Variants in UNC13C observed in about 807,000 individuals in gnomAD.
UNC13C encodes the protein unc-13 homolog C, also known as protein unc-13 homolog C.
In UNC13C, 174 loss-of-function variants were observed where a neutral mutation model predicts 245.4. The ratio of observed to expected loss-of-function variants is 0.71; its 90% CI spans 0.63 to 0.80. UNC13C has a LOEUF of 0.80. Among genes scored for constraint, UNC13C ranks in the 30% least tolerant of loss-of-function variants. The probability of loss-of-function intolerance (pLI) is 0.00; values close to 1 mark genes in which losing one functional copy is unlikely to be tolerated. For synonymous variants in UNC13C, 992 were observed against 895.1 expected, an observed-to-expected ratio of 1.11 and a Z score of -1.93; for missense variants, 2,829 against 2,602.9, an observed-to-expected ratio of 1.09 and a Z score of -1.89.
chr15:54,308,547 T>C (rs878992764), intron 13 of UNC13C, among the ~76,000 whole-genome samples: 2 of 151,824 alleles, frequency 1.3e-5, no homozygotes, highest in Admixed American at 6.6e-5. Flanking sequence ...AAGAATACAA[T>C]GCATTGTTAT....
intron 17 of UNC13C, among the ~76,000 whole-genome samples, chr15:54,366,342 G>T (rs1427619044): frequency 6.6e-6 from 1 of 152,062 alleles, no homozygotes; most frequent in African/African-American, 2.4e-5. Flanking sequence ...TTTCCTTATG[G>T]TTTTACAGAT....
At chr15:54,474,211 C>T (rs922845047) in intron 19 of UNC13C, among the ~76,000 whole-genome samples, 2 of 151,788 alleles carry the variant, frequency 1.3e-5, no homozygotes, top group Non-Finnish European at 2.9e-5. Context: ...ATTGCCAGAA[C>T]ATATGGTAGT....
rs1378809690 is a variant in UNC13C, at chr15:54,052,863, T to A, written c.2983+36977T>A. Among the ~76,000 whole-genome samples the A allele has an allele frequency of 2.0e-5, 3 of 152,252 alleles. No individual in the cohort carries two copies. In the East Asian group the frequency reaches 5.8e-4, roughly 29 times the overall value. The stretch of plus-strand genomic sequence containing the variant: ...AAGTATCCAGTGACAGAAATAGTAC[T>A]CAGTGATGTGGTTACTATCCAGCTA... On this transcript the variant is annotated intron_variant, in intron 2 of 32. Coordinates refer to ENST00000260323, the MANE Select transcript of UNC13C (RefSeq NM_001080534.3).
chr15:54,073,415 T>A (rs1435551353), intron 2 of UNC13C, among the ~76,000 whole-genome samples: 5 of 152,190 alleles, frequency 3.3e-5, no homozygotes, highest in African/African-American at 1.2e-4. Flanking sequence ...GATTGCTGGG[T>A]CCAATGGTAT....
intron 11 of UNC13C, among the ~76,000 whole-genome samples, chr15:54,296,144 C>CA (rs1263572482): frequency 6.6e-6 from 1 of 151,886 alleles, no homozygotes; most frequent in East Asian, 1.9e-4. Context: ...GGTGTGTGAC[C>CA]AAAAAAGACC....
At chr15:54,230,087 T>C (rs7180137) in intron 4 of UNC13C, among the ~76,000 whole-genome samples, 64,261 of 151,644 alleles carry the variant, frequency 0.42, 13,909 homozygotes, top group South Asian at 0.44. Context: ...AATATAGGAG[T>C]GAACATATTT....
chr15:53,859,366 C>T, the UNC13C span, among the ~76,000 whole-genome samples: 1 of 152,058 alleles, frequency 6.6e-6, no homozygotes, highest in Non-Finnish European at 1.5e-5. Context: ...CTGGGCCAAC[C>T]ATTTCCAGAT....
At chr15:54,132,066 T>C (rs1388267562) in intron 2 of UNC13C, among the ~76,000 whole-genome samples, 1 of 27,946 alleles carries the variant, frequency 3.6e-5, no homozygotes, top group African/African-American at 7.3e-5. Flanking sequence ...TTCAGTTTTT[T>C]TCTTTTTCTT....
intron 13 of UNC13C, among the ~76,000 whole-genome samples, chr15:54,300,759 A>T (rs374910642): frequency 6.6e-6 from 1 of 152,306 alleles, no homozygotes; most frequent in African/African-American, 2.4e-5. Flanking sequence ...TTTGAGAGCC[A>T]GTGACTTATT....
At chr15:54,114,405 A>G (rs920805748) in intron 2 of UNC13C, among the ~76,000 whole-genome samples, 4 of 152,166 alleles carry the variant, frequency 2.6e-5, no homozygotes, top group Non-Finnish European at 5.9e-5. Context: ...ATTCATAAAT[A>G]TAGTAGAAGT....
chr15:53,896,006 TA>T, the UNC13C span, among the ~76,000 whole-genome samples: 1 of 151,210 alleles, frequency 6.6e-6, no homozygotes, highest in African/African-American at 2.4e-5. Context: ...ATTTGATTTT[TA>T]CTTTAAAATG....
chr15:54,378,308 T>A (rs2039650306), intron 17 of UNC13C, among the ~76,000 whole-genome samples: 1 of 152,154 alleles, frequency 6.6e-6, no homozygotes, highest in South Asian at 2.1e-4. Flanking sequence ...CTACCAGTGC[T>A]TTTAAAGAGG....
chr15:54,385,712 A>T (rs1380797060), intron 17 of UNC13C, among the ~76,000 whole-genome samples: 1 of 152,028 alleles, frequency 6.6e-6, no homozygotes, highest in Non-Finnish European at 1.5e-5. Flanking sequence ...CAGGACTTGA[A>T]ATGATATCAA....
the UNC13C span, among the ~76,000 whole-genome samples, chr15:53,956,384 A>G: frequency 6.6e-5 from 10 of 152,096 alleles, no homozygotes; most frequent in East Asian, 1.9e-3. Context: ...CATAGCAAAT[A>G]TGTATTTGCT....
chr15:53,872,441 T>G, the UNC13C span, among the ~76,000 whole-genome samples: 1 of 152,170 alleles, frequency 6.6e-6, no homozygotes, highest in Non-Finnish European at 1.5e-5. Context: ...CAACTCAAGT[T>G]AGAATTATCC....
chr15:54,009,250 T>C (rs762541230), intron 1 of UNC13C, among the ~76,000 whole-genome samples: 1 of 152,190 alleles, frequency 6.6e-6, no homozygotes, highest in African/African-American at 2.4e-5. Flanking sequence ...TTGTTCTTCC[T>C]CTTTCATTCT....
At chr15:54,142,873 C>A (rs1008176414) in intron 2 of UNC13C, 145 bp from the exon 3 acceptor site, 2 of 677,712 alleles carry the variant, frequency 3.0e-6, no homozygotes, top group Non-Finnish European at 5.1e-6. Flanking sequence ...TATCCTTGTA[C>A]CCTTGGGCTC....
chr15:53,847,411 C>A, the UNC13C span, among the ~76,000 whole-genome samples: 3 of 150,762 alleles, frequency 2.0e-5, no homozygotes, highest in African/African-American at 7.3e-5. Context: ...GGCTGGAGTG[C>A]AACGATGTGG....
At chr15:53,980,393 TTG>T (rs1291691987) in intron 1 of UNC13C, among the ~76,000 whole-genome samples, 7 of 152,208 alleles carry the variant, frequency 4.6e-5, no homozygotes, top group East Asian at 1.9e-4. Context: ...GTGAAAAACA[TTG>T]TGTGTTTCTT....
Sources: allele counts gnomAD v4.1 joint callset (sites outside exome capture counted in the v4.1 genomes callset), GRCh38; gene constraint gnomAD v4.1.1; transcripts MANE v1.5; gene names NCBI Gene and HGNC (gene_info 2026-07-23, HGNC 2026-07-21).